DUSP22: variants seen among roughly 807,000 people sequenced by gnomAD.
DUSP22 encodes the protein dual specificity phosphatase 22.
In DUSP22, 24 loss-of-function variants were observed where a neutral mutation model predicts 24.5. The ratio of observed to expected loss-of-function variants is 0.98; its 90% CI spans 0.71 to 1.38. The LOEUF (loss-of-function observed/expected upper bound fraction) is 1.38, where lower values mean the gene tolerates loss of function less well. DUSP22 is among the 40% of genes most tolerant of loss of function. DUSP22 has a pLI of 0.00. For missense variants in DUSP22, 330 were observed against 269.2 expected, an observed-to-expected ratio of 1.23 and a Z score of -1.58; for synonymous variants, 160 against 106.4, an observed-to-expected ratio of 1.50 and a Z score of -3.10.
At chr6:324,329 G>C (rs1336411800) in intron 3 of DUSP22, among the ~76,000 whole-genome samples, 2 of 152,306 alleles carry the variant, frequency 1.3e-5, no homozygotes, top group Non-Finnish European at 2.9e-5. Flanking sequence ...TTCCTGGGGA[G>C]GCCTGGGAGC....
intron 1 of DUSP22, among the ~76,000 whole-genome samples, chr6:303,500 A>C (rs549817034): frequency 3.3e-5 from 5 of 152,292 alleles, no homozygotes; most frequent in African/African-American, 9.6e-5. Context: ...GCTTGAAGAA[A>C]TCAGCTAACA....
intron 3 of DUSP22, among the ~76,000 whole-genome samples, chr6:318,310 G>T (rs1373011458): frequency 6.6e-6 from 1 of 152,308 alleles, no homozygotes; most frequent in African/African-American, 2.4e-5. Flanking sequence ...CCATGCCAGG[G>T]TTGGCACACA....
intron 3 of DUSP22, chr6:325,147 T>C: frequency 5.2e-6 from 1 of 190,716 alleles, no homozygotes; most frequent in South Asian, 8.4e-5. Flanking sequence ...TGCCCTGGGC[T>C]TCTGCGTCCT....
intron 2 of DUSP22, among the ~76,000 whole-genome samples, chr6:308,608 A>G (rs1451842649): frequency 1.3e-5 from 2 of 152,310 alleles, no homozygotes; most frequent in African/African-American, 4.8e-5. Context: ...TTCTCTATTC[A>G]GAAATGTATG....
At chr6:302,315 G>C (rs1227120893) in intron 1 of DUSP22, among the ~76,000 whole-genome samples, 3 of 152,308 alleles carry the variant, frequency 2.0e-5, no homozygotes, top group Non-Finnish European at 4.4e-5. Context: ...TTGGAGTCTG[G>C]ATAGTGGCCA....
chr6:327,928 G>C (rs1485715640), intron 3 of DUSP22, among the ~76,000 whole-genome samples: 1 of 152,304 alleles, frequency 6.6e-6, no homozygotes, highest in Non-Finnish European at 1.5e-5. Flanking sequence ...AGGTCAGGAA[G>C]GGGGTTGTGG....
chr6:308,129 C>T (rs945874830), intron 2 of DUSP22, among the ~76,000 whole-genome samples: 1 of 152,282 alleles, frequency 6.6e-6, no homozygotes, highest in African/African-American at 2.4e-5. Context: ...TCTTAAAGCG[C>T]ATGTTCTGAT....
Position 292,527 on chromosome 6 carries a change from G to GC in DUSP22, c.-11dup, listed in dbSNP as rs774658392. Reference sequence around the variant, plus strand: ...CCACACGGCCGGGGCGCTAGCGTTCGCCTTCAGCCACCATGGGGAATGGGA... The same window carrying GC: ...CCACACGGCCGGGGCGCTAGCGTTCGCCCTTCAGCCACCATGGGGAATGGGA... On this transcript the variant is annotated 5_prime_UTR_variant, in exon 1 of 7. Coordinates refer to ENST00000419235, the MANE Select transcript of DUSP22 (RefSeq NM_001286555.3). The GC allele has an allele frequency of 6.2e-7, 1 of 1,605,144 alleles. No homozygotes were observed. The highest frequency in any genetic ancestry group is 1.1e-5 in the South Asian group (1 of 90,484).
At chr6:337,060 T>C (rs1759388972) in intron 4 of DUSP22, 1 of 152,502 alleles carries the variant, frequency 6.6e-6, no homozygotes. Flanking sequence ...ACATCTGCTG[T>C]CAGTGCAGGT....
Position 348,183 on chromosome 6 carries a change from T to G in DUSP22, c.344T>G (p.Leu115Arg). 6.2e-7 allele frequency: 1 copy of G among 1,614,304 alleles called. No homozygotes were observed. Among genetic ancestry groups the G allele is most frequent in the South Asian group, 1.1e-5 (1 of 91,092 alleles). ...TVTDFGWEDA[L>R]HTVRAGRSCA... The stretch of plus-strand genomic sequence containing the variant: ...ACTGACTTTGGCTGGGAGGATGCCC[T>G]GCACACCGTGCGTGCTGGGAGATCC... Residue 115 changes from leucine (L) to arginine (R), a missense_variant, in exon 6 of 7, where the codon CTG (leucine) becomes CGG (arginine). By Grantham distance (102) the Leu-to-Arg change is moderately radical (BLOSUM62 -2). Transcript: ENST00000419235.
intron 3 of DUSP22, chr6:325,785 G>C (rs1355329809): frequency 1.6e-5 from 4 of 251,338 alleles, no homozygotes; most frequent in Non-Finnish European, 3.1e-5. Context: ...GCGTTCTGGT[G>C]TGTGCAGTGC....
At chr6:308,140 C>A (rs759259481) in intron 2 of DUSP22, among the ~76,000 whole-genome samples, 1 of 152,296 alleles carries the variant, frequency 6.6e-6, no homozygotes, top group African/African-American at 2.4e-5. Flanking sequence ...ATGTTCTGAT[C>A]AAGTAGACAT....
intron 3 of DUSP22, 78 bp downstream of exon 3, chr6:312,040 A>G (rs949514044): frequency 6.9e-7 from 1 of 1,443,658 alleles, no homozygotes; most frequent in East Asian, 2.4e-5. Flanking sequence ...AATGAAGGCA[A>G]CCAGGTTCTC....
At chr6:326,974 C>CTG (rs1197300138) in intron 3 of DUSP22, among the ~76,000 whole-genome samples, 1 of 152,308 alleles carries the variant, frequency 6.6e-6, no homozygotes, top group Admixed American at 6.5e-5. Context: ...CACGCTTTGG[C>CTG]TGTCAAGGCC....
chr6:323,570 C>G (rs535288983), intron 3 of DUSP22, among the ~76,000 whole-genome samples: 1 of 152,304 alleles, frequency 6.6e-6, no homozygotes, highest in South Asian at 2.1e-4. Context: ...TGGCTCCTTC[C>G]GTGAGAGGTG....
intron 3 of DUSP22, among the ~76,000 whole-genome samples, chr6:319,414 T>A (rs958524130): frequency 1.3e-5 from 2 of 152,310 alleles, no homozygotes; most frequent in African/African-American, 2.4e-5. Flanking sequence ...AAGTATGTCA[T>A]CCACTTTATT....
chr6:329,571 GC>G (rs1300082491), intron 3 of DUSP22, among the ~76,000 whole-genome samples: 2 of 152,304 alleles, frequency 1.3e-5, no homozygotes, highest in Non-Finnish European at 1.5e-5. Flanking sequence ...TCCTGCCTCA[GC>G]CTCCTGAGTA....
At chr6:344,331 G>C (rs1759756102) in intron 4 of DUSP22, among the ~76,000 whole-genome samples, 1 of 152,306 alleles carries the variant, frequency 6.6e-6, no homozygotes, top group Non-Finnish European at 1.5e-5. Context: ...TGTCGCTCAG[G>C]CTGGAGTGCG....
chr6:309,574 C>G (rs990545788), intron 2 of DUSP22, among the ~76,000 whole-genome samples: 30 of 152,288 alleles, frequency 2.0e-4, no homozygotes, highest in African/African-American at 5.5e-4. Context: ...TCTGCTTCAT[C>G]ATCAAGGCTT....
Sources: gnomAD v4.1 joint callset for allele counts (sites outside exome capture counted in the v4.1 genomes callset) on GRCh38, gnomAD v4.1.1 for gene constraint, MANE v1.5 for transcripts, NCBI Gene and HGNC (gene_info 2026-07-23, HGNC 2026-07-21) for gene names.